Variants in SLC6A2 observed in about 807,000 individuals in gnomAD.
SLC6A2 encodes sodium-dependent noradrenaline transporter.
A neutral mutation model predicts 71.7 loss-of-function variants in SLC6A2; 26 were observed. That is an observed-to-expected ratio of 0.36 (90% CI 0.27 to 0.50). SLC6A2 has a LOEUF of 0.50. SLC6A2 is among the 20% of genes least tolerant of loss of function. The pLI is 0.96. For missense variants in SLC6A2, 581 were observed against 803.9 expected, an observed-to-expected ratio of 0.72 and a Z score of 3.35; for synonymous variants, 363 against 337.9, an observed-to-expected ratio of 1.07 and a Z score of -0.82.
rs942416691 is a variant in SLC6A2, at chr16:55,703,559, G to T, written c.*1213G>T. The T allele has an allele frequency of 7.1e-6, 7 of 985,330 alleles. No individual in the cohort carries two copies. In the East Asian group the frequency reaches 3.4e-4, roughly 48 times the overall value. The allele number at this position is 985,330 out of a possible 1,614,324, so 61.0% of individuals were successfully genotyped here. On this transcript the variant is annotated 3_prime_UTR_variant, in exon 15 of 15. Transcript: ENST00000568943. ...CAGAGAATTTCTAGGTTTCTACTTG[G>T]ATCTACTTCTGATACAAACTTGCAC...
intron 4 of SLC6A2, among the ~76,000 whole-genome samples, chr16:55,674,534 C>T (rs1965023047): frequency 6.6e-6 from 1 of 151,904 alleles, no homozygotes; most frequent in African/African-American, 2.4e-5. Flanking sequence ...AAGTGATTCT[C>T]CTGCCTCAGC....
At chr16:55,700,063 C>A in intron 12 of SLC6A2, 76 bp from the exon 13 acceptor site, 1 of 1,280,330 alleles carries the variant, frequency 7.8e-7, no homozygotes, top group Non-Finnish European at 1.1e-6. Flanking sequence ...ACCTTTCTTC[C>A]ACCTCCTTCT....
In SLC6A2 at chr16:55,656,520, T is replaced by A; in HGVS notation, c.-51-124T>A. On this transcript the variant is annotated intron_variant, in intron 1 of 14. Transcript: ENST00000568943. This position sits in a 1 kb window ranked among gnomAD's most constrained non-coding sequence, Gnocchi z 4.5. The stretch of plus-strand genomic sequence containing the variant: ...TTTCCAGCGGACGCGCGCCCTTTTC[T>A]GGGAACCCTGCGTCCGCTCAGCGCG... The A allele has an allele frequency of 2.6e-6, 2 of 773,938 alleles. No homozygotes were observed. Among genetic ancestry groups the A allele is most frequent in the South Asian group, 3.2e-5 (2 of 61,732 alleles). The allele number at this position is 773,938 out of a possible 1,614,324, so 47.9% of individuals were successfully genotyped here.
At chr16:55,676,218 A>G (rs1965081828) in intron 4 of SLC6A2, among the ~76,000 whole-genome samples, 1 of 152,220 alleles carries the variant, frequency 6.6e-6, no homozygotes, top group Non-Finnish European at 1.5e-5. Context: ...GAGGATCTGA[A>G]TCACTGCTGT....
In SLC6A2 at chr16:55,705,219, A is replaced by C; in HGVS notation, c.*2873A>C. ...CACCTTTTAGCTTTCATTCTAGATG[A>C]AAACGAGACAAGGGAGAAGGAGAGC... On this transcript the variant is annotated 3_prime_UTR_variant, in exon 15 of 15. Transcript: ENST00000568943. 1.3e-6 allele frequency: 2 copies of C among 1,535,940 alleles called. No individual in the cohort carries two copies. The highest frequency in any genetic ancestry group is 8.7e-7 in the Non-Finnish European group (1 of 1,146,398).
intron 4 of SLC6A2, among the ~76,000 whole-genome samples, chr16:55,678,789 C>G (rs1177101945): frequency 1.3e-5 from 2 of 152,166 alleles, no homozygotes; most frequent in South Asian, 4.1e-4. Context: ...GTACACTTAA[C>G]GATGATTCAT....
chr16:55,673,565 A>AT (rs1360182447), intron 4 of SLC6A2, among the ~76,000 whole-genome samples: 2 of 149,026 alleles, frequency 1.3e-5, no homozygotes, highest in African/African-American at 4.9e-5. Flanking sequence ...ATTTTATTTT[A>AT]TTTTTTTGTT....
intron 4 of SLC6A2, among the ~76,000 whole-genome samples, chr16:55,684,042 A>C (rs1264058140): frequency 6.6e-6 from 1 of 152,116 alleles, no homozygotes; most frequent in East Asian, 1.9e-4. Context: ...TCACACCTAT[A>C]ATCTCAGCAC....
intron 10 of SLC6A2, 45 bp from the exon 11 acceptor site, chr16:55,698,424 G>A (rs762201450): frequency 8.0e-6 from 11 of 1,367,052 alleles, no homozygotes; most frequent in African/African-American, 4.3e-5. Context: ...CAGTTCCCAC[G>A]TTTGACCAAA....
chr16:55,683,284 C>G (rs888510216), intron 4 of SLC6A2, among the ~76,000 whole-genome samples: 1 of 152,124 alleles, frequency 6.6e-6, no homozygotes, highest in Non-Finnish European at 1.5e-5. Flanking sequence ...CCCCAATATT[C>G]TCAGACCACC....
In SLC6A2 at chr16:55,705,347, T is replaced by G; in HGVS notation, c.*3001T>G. Reference sequence around the variant, plus strand: ...CTGGGAGCCAGTTCCTGCTATATGATCTGTTTTCTAGCCTCGCTAATGTGA... The same window carrying G: ...CTGGGAGCCAGTTCCTGCTATATGAGCTGTTTTCTAGCCTCGCTAATGTGA... On this transcript the variant is annotated 3_prime_UTR_variant, in exon 15 of 15. Coordinates refer to ENST00000568943, the MANE Select transcript of SLC6A2 (RefSeq NM_001172501.3). 9.7e-7 allele frequency: 1 copy of G among 1,032,800 alleles called. No homozygotes were observed. Among genetic ancestry groups the G allele is most frequent in the Non-Finnish European group, 1.4e-6 (1 of 705,398 alleles). The allele number at this position is 1,032,800 out of a possible 1,614,324, so 64.0% of individuals were successfully genotyped here. A position where few individuals can be genotyped will look rare whatever the true frequency, so the allele number is the denominator to read the frequency against.
intron 12 of SLC6A2, 22 bp downstream of exon 12, chr16:55,699,676 G>A (rs372824685): frequency 6.6e-7 from 1 of 1,515,000 alleles, no homozygotes; most frequent in Non-Finnish European, 9.2e-7. Context: ...CTGCAGGGAA[G>A]TCCTGCATGT....
intron 4 of SLC6A2, among the ~76,000 whole-genome samples, chr16:55,676,884 A>G (rs1162266946): frequency 2.0e-5 from 3 of 152,206 alleles, no homozygotes; most frequent in Non-Finnish European, 4.4e-5. Flanking sequence ...CCAAAGCCCA[A>G]GCTCTTAGCC....
At chr16:55,691,187 G>A (rs545264809) in intron 5 of SLC6A2, among the ~76,000 whole-genome samples, 2 of 136,692 alleles carry the variant, frequency 1.5e-5, no homozygotes, top group South Asian at 5.4e-4. Context: ...AAGAGGGAGG[G>A]AGGATGGGAA....
In SLC6A2 at chr16:55,697,961, G is replaced by A. The variant is rs1471300442; in HGVS notation, c.1325G>A (p.Arg442Gln). Residue 442 changes from arginine (R) to glutamine (Q), a missense_variant, in exon 10 of 15, where the codon CGG (arginine) becomes CAG (glutamine). Arg to Gln is a conservative substitution (Grantham distance 43). Around this residue, in one of 5 missense-constraint regions of SLC6A2, gnomAD observed 334 missense variants for 449.0 expected, o/e 0.74. Transcript: ENST00000568943. Reference sequence around the variant, plus strand: ...GACTTCCAGGTCCTGAAGCGACACCGGAAACTCTTCACATTTGGCGTCACC... The same window carrying A: ...GACTTCCAGGTCCTGAAGCGACACCAGAAACTCTTCACATTTGGCGTCACC... ...ADDFQVLKRH[R>Q]KLFTFGVTFS... is the part of the protein sequence containing the mutation. 9 of 1,613,898 alleles carry A rather than the reference G, an allele frequency of 5.6e-6. No individual in the cohort carries two copies. Among genetic ancestry groups the A allele is most frequent in the Admixed American group, 1.7e-5 (1 of 59,966 alleles).
chr16:55,700,647 CTCTG>C (rs1460733413), intron 13 of SLC6A2, among the ~76,000 whole-genome samples: 1 of 152,144 alleles, frequency 6.6e-6, no homozygotes, highest in African/African-American at 2.4e-5. Flanking sequence ...ACTGTGATGT[CTCTG>C]TCTAAGATTT....
At chr16:55,674,254 T>C (rs1314306134) in intron 4 of SLC6A2, among the ~76,000 whole-genome samples, 2 of 152,086 alleles carry the variant, frequency 1.3e-5, no homozygotes, top group African/African-American at 4.8e-5. Context: ...GTACTCAATA[T>C]TTAGCTTCCA....
intron 4 of SLC6A2, among the ~76,000 whole-genome samples, chr16:55,682,904 G>C (rs16955599): frequency 2.6e-5 from 4 of 152,050 alleles, no homozygotes; most frequent in Non-Finnish European, 4.4e-5. Context: ...GTGAATTTGC[G>C]TGCAGTGTTG....
rs1434029143 is a variant in SLC6A2 at position 55,701,966 on chromosome 16, T to A, written c.1830+32T>A. 10 of 1,546,634 alleles carry A rather than the reference T, an allele frequency of 6.5e-6. No homozygotes were observed. In the Admixed American group the frequency reaches 1.5e-4, roughly 23 times the overall value. ...GAAGCCTAGACCCCTGGGGTGGAGA[T>A]TACAAGGGCGGGCCCTGGCTGTTCC... On this transcript the variant is annotated intron_variant, in intron 14 of 14. Coordinates refer to ENST00000568943, the MANE Select transcript of SLC6A2 (RefSeq NM_001172501.3).
Sources: gnomAD v4.1 joint callset for allele counts (sites outside exome capture counted in the v4.1 genomes callset) on GRCh38, gnomAD v4.1.1 for gene constraint, gnomAD v4.1.1 regional missense constraint, Gnocchi (gnomAD v3.1) non-coding constraint, MANE v1.5 for transcripts, NCBI Gene and HGNC (gene_info 2026-07-23, HGNC 2026-07-21) for gene names.